Variants in CDK14 observed in about 807,000 individuals in gnomAD.
CDK14 encodes the protein cyclin dependent kinase 14.
In CDK14, 34 loss-of-function variants were observed where a neutral mutation model predicts 60.7. That is an observed-to-expected ratio of 0.56 (90% CI 0.43 to 0.75). The LOEUF (loss-of-function observed/expected upper bound fraction) is 0.75, where lower values mean the gene tolerates loss of function less well. Ranked by LOEUF, CDK14 falls within the 30% of genes least tolerant of loss-of-function variation. The probability of loss-of-function intolerance (pLI) is 0.00; values close to 1 mark genes in which losing one functional copy is unlikely to be tolerated. For missense variants in CDK14, 482 were observed against 564.1 expected (o/e 0.85, Z 1.47); for synonymous variants, 197 against 203.7 (o/e 0.97, Z 0.28).
At chr7:91,060,905 T>C (rs1797763536) in intron 11 of CDK14, among the ~76,000 whole-genome samples, 1 of 152,228 alleles carries the variant, frequency 6.6e-6, no homozygotes, top group Admixed American at 6.5e-5. Flanking sequence ...AAGAAGTATC[T>C]TTGTGGCATT....
chr7:90,910,585 A>G (rs980995758), intron 7 of CDK14, among the ~76,000 whole-genome samples: 1 of 152,140 alleles, frequency 6.6e-6, no homozygotes, highest in Non-Finnish European at 1.5e-5. Context: ...TCATTTATCT[A>G]CCAGTGTCAT....
intron 6 of CDK14, among the ~76,000 whole-genome samples, chr7:90,890,934 C>A (rs1792102481): frequency 6.6e-6 from 1 of 152,068 alleles, no homozygotes. Flanking sequence ...AAGTTCAGAA[C>A]CACCCTTAAG....
rs144897701 is a variant in CDK14, at chr7:90,775,176, A to G, written c.465-15397A>G. ...GCTTTAAACACATCTTTGGACCAAG[A>G]GGCTTGAAATGCTGTAAAGTTGAGC... On this transcript the variant is annotated intron_variant, in intron 4 of 14. Transcript: ENST00000380050. 2.7e-4 allele frequency among the ~76,000 whole-genome samples: 41 copies of G among 152,314 alleles called. 1 individual carries two copies. The East Asian group carries it at 2.9e-3, about 11-fold the overall frequency.
intron 14 of CDK14, among the ~76,000 whole-genome samples, chr7:91,161,020 G>A (rs893962396): frequency 3.9e-5 from 6 of 152,268 alleles, no homozygotes; most frequent in East Asian, 1.9e-4. Flanking sequence ...AGTTTAATTG[G>A]GAAGAGAAAT....
intron 10 of CDK14, among the ~76,000 whole-genome samples, chr7:91,018,515 A>G (rs1212206402): frequency 1.3e-5 from 2 of 152,190 alleles, no homozygotes; most frequent in African/African-American, 2.4e-5. Context: ...GGAAAACTCT[A>G]TCTCCTCAAC....
intron 2 of CDK14, among the ~76,000 whole-genome samples, chr7:90,671,921 T>C (rs974341723): frequency 6.6e-6 from 1 of 152,234 alleles, no homozygotes; most frequent in South Asian, 2.1e-4. Flanking sequence ...TTGCAAATTA[T>C]TCTGCTCCAT....
intron 5 of CDK14, among the ~76,000 whole-genome samples, chr7:90,845,655 A>G (rs1166121769): frequency 1.3e-5 from 2 of 152,176 alleles, no homozygotes; most frequent in African/African-American, 2.4e-5. Context: ...ACCTTCTCAT[A>G]AGACTTGTAG....
At chr7:91,097,226 C>G (rs1185892239) in intron 12 of CDK14, among the ~76,000 whole-genome samples, 3 of 151,882 alleles carry the variant, frequency 2.0e-5, no homozygotes, top group Non-Finnish European at 4.4e-5. Context: ...ACTAAAAACA[C>G]AAAAATTAGC....
chr7:90,775,625 C>CCCCCTCCCTCTT (rs1804996549), intron 4 of CDK14, among the ~76,000 whole-genome samples: 1 of 49,544 alleles, frequency 2.0e-5, no homozygotes, highest in Non-Finnish European at 3.7e-5. Context: ...ACCTCCTCCT[C>CCCCCTCCCTCTT]CCCCTCCCCC....
intron 9 of CDK14, among the ~76,000 whole-genome samples, chr7:90,967,061 C>G (rs890438138): frequency 6.8e-6 from 1 of 148,108 alleles, no homozygotes; most frequent in African/African-American, 2.5e-5. Flanking sequence ...TCTTTCTCAC[C>G]TTGAACGTCT....
At chr7:90,599,525 C>T (rs1799269141) in intron 1 of CDK14, among the ~76,000 whole-genome samples, 1 of 152,148 alleles carries the variant, frequency 6.6e-6, no homozygotes, top group South Asian at 2.1e-4. Context: ...AAGACTAAAT[C>T]GGATAAAACA....
intron 11 of CDK14, among the ~76,000 whole-genome samples, chr7:91,059,184 A>G (rs1797693746): frequency 6.6e-6 from 1 of 152,156 alleles, no homozygotes; most frequent in African/African-American, 2.4e-5. Flanking sequence ...TTTCTAATTT[A>G]TTTACATAGA....
chr7:90,715,436 G>A (rs942587345), intron 2 of CDK14, among the ~76,000 whole-genome samples: 1 of 151,948 alleles, frequency 6.6e-6, no homozygotes, highest in Non-Finnish European at 1.5e-5. Context: ...TAGTGCTTCT[G>A]ACATGGTAGA....
chr7:90,635,934 T>C (rs1396445804), intron 2 of CDK14, among the ~76,000 whole-genome samples: 2 of 152,152 alleles, frequency 1.3e-5, no homozygotes, highest in South Asian at 4.2e-4. Flanking sequence ...GGCTCTCTGT[T>C]TGTCTGTTAC....
chr7:90,949,153 A>T (rs897080879), intron 8 of CDK14, among the ~76,000 whole-genome samples: 7 of 152,244 alleles, frequency 4.6e-5, no homozygotes, highest in Middle Eastern at 6.8e-3. Flanking sequence ...TCTGTTATTT[A>T]AAAATTATAT....
intron 9 of CDK14, among the ~76,000 whole-genome samples, chr7:90,977,993 C>G (rs1023205045): frequency 6.6e-6 from 1 of 152,054 alleles, no homozygotes; most frequent in African/African-American, 2.4e-5. Flanking sequence ...GGGTGAGACA[C>G]TGGGGCTGGG....
chr7:90,751,848 A>C lies in CDK14; in HGVS notation c.464+4073A>C, dbSNP rs140134883. On this transcript the variant is annotated intron_variant, in intron 4 of 14. Transcript: ENST00000380050. Reference sequence around the variant, plus strand: ...GGTTGGAGAAAGATCTATCACTCAAATGGAAAACAAACAAGAGCAGGGGTC... The same window carrying C: ...GGTTGGAGAAAGATCTATCACTCAACTGGAAAACAAACAAGAGCAGGGGTC... Among the ~76,000 whole-genome samples, 732 of 152,342 alleles carry C rather than the reference A, an allele frequency of 4.8e-3. 3 individuals carry two copies. Among genetic ancestry groups the C allele is most frequent in the African/African-American group, 0.016 (660 of 41,574 alleles).
intron 4 of CDK14, among the ~76,000 whole-genome samples, chr7:90,767,578 A>G (rs1804615766): frequency 6.6e-6 from 1 of 152,080 alleles, no homozygotes; most frequent in African/African-American, 2.4e-5. Context: ...ATTTTGGACA[A>G]GGTTTTCTAT....
chr7:90,919,333 G>A (rs1793173881), intron 8 of CDK14, among the ~76,000 whole-genome samples: 1 of 152,066 alleles, frequency 6.6e-6, no homozygotes, highest in South Asian at 2.1e-4. Flanking sequence ...TTGTATGTTT[G>A]TGCTTACTAG....
Sources: allele counts gnomAD v4.1 joint callset (sites outside exome capture counted in the v4.1 genomes callset), GRCh38; gene constraint gnomAD v4.1.1; transcripts MANE v1.5; gene names NCBI Gene and HGNC (gene_info 2026-07-23, HGNC 2026-07-21).